The following COL22A1 variants were observed in gnomAD, a reference collection of about 807,000 sequenced individuals.
COL22A1 encodes the protein collagen alpha-1(XXII) chain.
COL22A1 carries 221 observed loss-of-function variants against 248.9 expected under a neutral mutation model. That is an observed-to-expected ratio of 0.89 (90% CI 0.80 to 0.99). The LOEUF (loss-of-function observed/expected upper bound fraction) is 0.99, where lower values mean the gene tolerates loss of function less well. Among genes scored for constraint, COL22A1 ranks in the 50% least tolerant of loss-of-function variants. The probability of loss-of-function intolerance (pLI) is 0.00; values close to 1 mark genes in which losing one functional copy is unlikely to be tolerated. For synonymous variants in COL22A1, 891 were observed against 793.4 expected (o/e 1.12, Z -2.07); for missense variants, 2,240 against 2,179.0 (o/e 1.03, Z -0.56).
At chr8:138,638,390 C>A (rs1256310359) in intron 47 of COL22A1, among the ~76,000 whole-genome samples, 1 of 152,072 alleles carries the variant, frequency 6.6e-6, no homozygotes, top group African/African-American at 2.4e-5. Context: ...TCAGTTTGTT[C>A]ATCTAGTAAA....
chr8:138,881,457 G>A (rs1003475523), intron 2 of COL22A1, among the ~76,000 whole-genome samples: 2 of 152,080 alleles, frequency 1.3e-5, no homozygotes, highest in Non-Finnish European at 1.5e-5. Context: ...AGGCCGAGGC[G>A]GGCGGATCAC....
chr8:138,844,196 A>G (rs767280080), intron 3 of COL22A1, 38 bp from the exon 4 acceptor site: 3 of 1,587,982 alleles, frequency 1.9e-6, no homozygotes, highest in Non-Finnish European at 2.6e-6. Context: ...TGATGAGAAA[A>G]TGTGACCCAT....
Position 138,649,746 on chromosome 8 carries a change from T to C in COL22A1, c.3366A>G (p.Pro1122=). 1 of 1,606,648 alleles carries C rather than the reference T, an allele frequency of 6.2e-7. No individual in the cohort carries two copies. Among genetic ancestry groups the C allele is most frequent in the East Asian group, 2.2e-5 (1 of 44,570 alleles). Reference sequence around the variant, plus strand: ...TAAAACCTGGTAGACCAGGGAGGCCTGGGGGGCCAGGAGGGCAGTCATTGC... The same window carrying C: ...TAAAACCTGGTAGACCAGGGAGGCCCGGGGGGCCAGGAGGGCAGTCATTGC... ...DVCNDCPPGP[P]GLPGLPGFKG... is the part of the protein sequence containing the mutation. The change falls in exon 46 of 65, where the codon CCA becomes CCG. Residue 1122 remains proline (P), a synonymous_variant. Coordinates refer to ENST00000303045, the MANE Select transcript of COL22A1 (RefSeq NM_152888.3).
At chr8:138,800,442 C>T (rs1317029733) in intron 11 of COL22A1, among the ~76,000 whole-genome samples, 1 of 152,118 alleles carries the variant, frequency 6.6e-6, no homozygotes, top group East Asian at 1.9e-4. Flanking sequence ...CACAGAGTTC[C>T]TCATGTTGCC....
chr8:138,895,598 A>G (rs1401396577), intron 1 of COL22A1, among the ~76,000 whole-genome samples: 1 of 152,198 alleles, frequency 6.6e-6, no homozygotes, highest in Non-Finnish European at 1.5e-5. Context: ...CAACAGACCA[A>G]TAGAATTTAC....
At chr8:138,792,619 C>T (rs1356408065) in intron 12 of COL22A1, among the ~76,000 whole-genome samples, 1 of 152,228 alleles carries the variant, frequency 6.6e-6, no homozygotes, top group Non-Finnish European at 1.5e-5. Flanking sequence ...TGAACTGATC[C>T]TCATACTTGG....
At chr8:138,643,201 A>G (rs1821875410) in intron 47 of COL22A1, among the ~76,000 whole-genome samples, 1 of 152,188 alleles carries the variant, frequency 6.6e-6, no homozygotes, top group Non-Finnish European at 1.5e-5. Context: ...AGGAGTTCCA[A>G]CATTTGAAGA....
intron 16 of COL22A1, among the ~76,000 whole-genome samples, chr8:138,764,118 T>C (rs1833731711): frequency 6.6e-6 from 1 of 152,218 alleles, no homozygotes; most frequent in Admixed American, 6.5e-5. Flanking sequence ...CAGGATGTTG[T>C]TTTTCTTCCA....
At chr8:138,606,340 G>A in intron 58 of COL22A1, 41 bp downstream of exon 58, 1 of 1,571,072 alleles carries the variant, frequency 6.4e-7, no homozygotes, top group Non-Finnish European at 8.7e-7. Flanking sequence ...ATCACTACCT[G>A]GAGCCAGGTA....
chr8:138,631,805 GCCCTGGGGAGGT>G (rs1820743116), intron 49 of COL22A1, among the ~76,000 whole-genome samples: 1 of 152,068 alleles, frequency 6.6e-6, no homozygotes, highest in Admixed American at 6.6e-5. Flanking sequence ...CCTCATCCCT[GCCCTGGGGAGGT>G]CCCTTTTCTG....
intron 11 of COL22A1, 108 bp downstream of exon 11, chr8:138,802,764 C>T (rs1817109905): frequency 3.5e-6 from 3 of 856,944 alleles, no homozygotes; most frequent in Admixed American, 3.5e-5. Flanking sequence ...GTGCCTGGCC[C>T]CTGCCAGGTA....
At chr8:138,870,011 T>C (rs572180111) in intron 3 of COL22A1, among the ~76,000 whole-genome samples, 2 of 152,114 alleles carry the variant, frequency 1.3e-5, no homozygotes, top group South Asian at 4.2e-4. Context: ...CTGGTGTGTA[T>C]GTGGAGGGTG....
intron 3 of COL22A1, among the ~76,000 whole-genome samples, chr8:138,847,335 T>C (rs548237964): frequency 3.3e-5 from 5 of 152,354 alleles, no homozygotes; most frequent in African/African-American, 1.2e-4. Context: ...GATGAGCCAC[T>C]GAGAGTATTT....
rs1438046919 is a variant in COL22A1, at chr8:138,833,836, C to T, written c.734-686G>A. ...GTAAGGACGGGGGTTTGATCCTGAGCGGCCATGTGTATGTGACACTGGGCA... is the reference window on the plus strand; with the variant it reads ...GTAAGGACGGGGGTTTGATCCTGAGTGGCCATGTGTATGTGACACTGGGCA... On this transcript the variant is annotated intron_variant, in intron 4 of 64. Coordinates refer to ENST00000303045, the MANE Select transcript of COL22A1 (RefSeq NM_152888.3). 2.6e-5 allele frequency among the ~76,000 whole-genome samples: 4 copies of T among 152,166 alleles called. No homozygotes were observed. In the East Asian group the frequency reaches 5.8e-4, roughly 22 times the overall value.
At chr8:138,620,400 TTGG>T (rs1378830151) in intron 52 of COL22A1, 3 of 149,922 alleles carry the variant, frequency 2.0e-5, no homozygotes, top group Non-Finnish European at 4.4e-5. Context: ...AGGAACATCC[TTGG>T]ATTTAGAAAA....
At chr8:138,843,668 G>T (rs528901198) in intron 4 of COL22A1, among the ~76,000 whole-genome samples, 1 of 152,120 alleles carries the variant, frequency 6.6e-6, no homozygotes, top group Non-Finnish European at 1.5e-5. Context: ...CTGCAGTCAC[G>T]TGTCTCTTTG....
intron 16 of COL22A1, among the ~76,000 whole-genome samples, chr8:138,767,021 T>A (rs1833963429): frequency 6.6e-6 from 1 of 152,194 alleles, no homozygotes; most frequent in African/African-American, 2.4e-5. Flanking sequence ...ACCGCACGAC[T>A]CAGATCCAAA....
chr8:138,592,230 C>A (rs1276175575), intron 63 of COL22A1, among the ~76,000 whole-genome samples: 1 of 152,184 alleles, frequency 6.6e-6, no homozygotes, highest in East Asian at 1.9e-4. Flanking sequence ...TCTGGGAGGA[C>A]ACTTGAGATC....
rs78911893 is a variant in COL22A1, at chr8:138,764,631, T to A, written c.1804-2165A>T. ...TTATTTTAAAATTCCAGAACATTGA[T>A]GTACACTTGTATTTTCAATCACAAT... On this transcript the variant is annotated intron_variant, in intron 16 of 64. Transcript: ENST00000303045. Among the ~76,000 whole-genome samples, 1,303 of 152,394 alleles carry A rather than the reference T, an allele frequency of 8.6e-3. 8 individuals carry two copies. The highest frequency in any genetic ancestry group is 0.034 in the Middle Eastern group (10 of 294).
Sources: gnomAD v4.1 joint callset for allele counts (sites outside exome capture counted in the v4.1 genomes callset) on GRCh38, gnomAD v4.1.1 for gene constraint, MANE v1.5 for transcripts, NCBI Gene and HGNC (gene_info 2026-07-23, HGNC 2026-07-21) for gene names.